The following ZSCAN31 variants were observed in gnomAD, a reference collection of about 807,000 sequenced individuals.
The protein encoded by ZSCAN31 is zinc finger and SCAN domain containing 31.
In ZSCAN31, 14 loss-of-function variants were observed where a neutral mutation model predicts 22.5. The observed-to-expected ratio is 0.62, with a 90% CI of 0.41 to 0.97. The LOEUF is 0.97. Among genes scored for constraint, ZSCAN31 ranks in the 50% least tolerant of loss-of-function variants. The pLI is 0.00. For synonymous variants in ZSCAN31, 168 were observed against 169.8 expected, an observed-to-expected ratio of 0.99 and a Z score of 0.08; for missense variants, 424 against 483.4, an observed-to-expected ratio of 0.88 and a Z score of 1.15.
intron 1 of ZSCAN31, chr6:28,332,147 G>A (rs1269342479): frequency 2.6e-5 from 4 of 152,072 alleles, no homozygotes; most frequent in Non-Finnish European, 5.9e-5. Context: ...AACCACCCCT[G>A]TTCCCAGGAT....
chr6:28,333,638 A>T lies in ZSCAN31; in HGVS notation c.-96+2444T>A, dbSNP rs1192812555. Among the ~76,000 whole-genome samples the T allele has an allele frequency of 6.6e-6, 1 of 152,132 alleles. No individual in the cohort carries two copies. Among genetic ancestry groups the T allele is most frequent in the Non-Finnish European group, 1.5e-5 (1 of 68,018 alleles). On this transcript the variant is annotated intron_variant, in intron 1 of 3. Coordinates refer to ENST00000344279, the MANE Select transcript of ZSCAN31 (RefSeq NM_030899.5). The surrounding 1 kb of genome is among the most constrained non-coding windows in gnomAD (Gnocchi z 4.1). ...AAGAAGTGAGCCATACAGAATAGGGATGAGGGAGGGGAAGAGCACTCTGGA... is the reference window on the plus strand; with the variant it reads ...AAGAAGTGAGCCATACAGAATAGGGTTGAGGGAGGGGAAGAGCACTCTGGA...
upstream of ZSCAN31, chr6:28,356,184 C>CA (rs1765410023): frequency 6.6e-6 from 1 of 152,254 alleles, no homozygotes; most frequent in Non-Finnish European, 1.5e-5. Context: ...AGTTCCCAAT[C>CA]AAACAGGAAA....
intron 2 of ZSCAN31, 146 bp from the exon 3 acceptor site, chr6:28,327,679 A>G: frequency 1.1e-6 from 1 of 907,234 alleles, no homozygotes; most frequent in Non-Finnish European, 1.7e-6. Context: ...TCATTACCCA[A>G]AAGCAAAACA....
Position 28,345,156 on chromosome 6 carries a change from A to AAAAAG in ZSCAN31, c.-370-3369_-370-3365dup, listed in dbSNP as rs1327752859. 7.7e-3 allele frequency among the ~76,000 whole-genome samples: 1,135 copies of AAAAAG among 147,468 alleles called. 13 individuals are homozygous for AAAAAG. Among genetic ancestry groups the AAAAAG allele is most frequent in the East Asian group, 0.062 (308 of 4,996 alleles). ...TGAAACTGTGTCTCAAAAAAAAAAA[A>AAAAAG]AAAAGAAAAAGAAAAAGAAAAGAAA... is the stretch of plus-strand genomic sequence containing the variant. On this transcript the variant is annotated intron_variant, in intron 2 of 7. Coordinates refer to the ZSCAN31 transcript ENST00000396838.
chr6:28,328,865 A>G (rs921060887), intron 2 of ZSCAN31, among the ~76,000 whole-genome samples: 126 of 152,230 alleles, frequency 8.3e-4, no homozygotes, highest in African/African-American at 2.8e-3. Context: ...TTCACAATCT[A>G]CATTCTTCTG....
intron 3 of ZSCAN31, 22 bp downstream of exon 3, chr6:28,327,361 A>C: frequency 6.2e-7 from 1 of 1,613,682 alleles, no homozygotes; most frequent in Non-Finnish European, 8.5e-7. Flanking sequence ...GATCTCCTGA[A>C]GGGACCTGTC....
chr6:28,327,772 T>C (rs915164385), intron 2 of ZSCAN31, among the ~76,000 whole-genome samples: 2 of 152,072 alleles, frequency 1.3e-5, no homozygotes, highest in African/African-American at 4.8e-5. Flanking sequence ...ACCCCCTGAA[T>C]GTGGGCTGTA....
Position 28,329,659 on chromosome 6 carries a change from C to A in ZSCAN31, c.25G>T (p.Asp9Tyr). Residue 9 changes from aspartate (D) to tyrosine (Y), a missense_variant, in exon 2 of 4, where the codon GAT (aspartate) becomes TAT (tyrosine). Asp to Tyr is a radical substitution (Grantham distance 160, BLOSUM62 -3). Transcript: ENST00000344279. MASTEEQY[D>Y]LKIVKVEEDP... ...TCCTCCACTTTCACAATCTTAAGAT[C>A]GTACTGTTCCTCTGTTGAAGCCATT... 1.2e-6 allele frequency: 2 copies of A among 1,613,410 alleles called. No individual in the cohort carries two copies. Among genetic ancestry groups the A allele is most frequent in the East Asian group, 2.2e-5 (1 of 44,874 alleles).
intron 3 of ZSCAN31, 152 bp downstream of exon 3, chr6:28,327,231 G>A: frequency 1.2e-6 from 1 of 835,930 alleles, no homozygotes; most frequent in Non-Finnish European, 1.9e-6. Flanking sequence ...GAAGGCACAG[G>A]GAGGTTACCT....
At chr6:28,336,600 A>G (rs149225191), upstream of ZSCAN31, among the ~76,000 whole-genome samples, 2 of 152,110 alleles carry the variant, frequency 1.3e-5, no homozygotes, top group Non-Finnish European at 1.5e-5. Context: ...ACACTTTCCA[A>G]CTGGGGACAG....
upstream of ZSCAN31, chr6:28,355,241 A>G (rs1204129972): frequency 6.6e-6 from 1 of 152,130 alleles, no homozygotes; most frequent in Non-Finnish European, 1.5e-5. Flanking sequence ...TGCTGTTCCA[A>G]GTAGGCTTAA....
intron 1 of ZSCAN31, chr6:28,332,323 T>C (rs934041467): frequency 6.6e-6 from 1 of 152,254 alleles, no homozygotes; most frequent in Non-Finnish European, 1.5e-5. Context: ...TTTGTTTACC[T>C]GATTTATTCG....
intron 2 of ZSCAN31, 27 bp downstream of exon 2, chr6:28,329,276 T>A: frequency 6.5e-7 from 1 of 1,542,160 alleles, no homozygotes; most frequent in Non-Finnish European, 8.7e-7. Context: ...GTATTTAATG[T>A]CTAGAAGTCC....
At position 28,329,662 on chromosome 6, in the gene ZSCAN31, A is replaced by G; in HGVS notation, c.22T>C (p.Tyr8His). The G allele has an allele frequency of 6.2e-7, 1 of 1,613,450 alleles. No homozygotes were observed. Among genetic ancestry groups the G allele is most frequent in the Non-Finnish European group, 8.5e-7 (1 of 1,179,680 alleles). The change falls in exon 2 of 4, where the codon TAC (tyrosine) becomes CAC (histidine). Residue 8 changes from tyrosine (Y) to histidine (H), a missense_variant. Coordinates refer to ENST00000344279, the MANE Select transcript of ZSCAN31 (RefSeq NM_030899.5). MASTEEQ[Y>H]DLKIVKVEED... Reference sequence around the variant, plus strand: ...TCCACTTTCACAATCTTAAGATCGTACTGTTCCTCTGTTGAAGCCATTCCT... The same window carrying G: ...TCCACTTTCACAATCTTAAGATCGTGCTGTTCCTCTGTTGAAGCCATTCCT...
rs1199029913 is a variant in ZSCAN31, at chr6:28,326,103, T to A, written c.*63A>T. On this transcript the variant is annotated 3_prime_UTR_variant, in exon 4 of 4. Transcript: ENST00000344279. ...TTAGTCCAGTTCTGCTGGAACAGTA[T>A]GGATTCTAAAATGCCTAATAAGGTT... The A allele has an allele frequency of 9.7e-6, 14 of 1,445,658 alleles. No individual in the cohort carries two copies. The highest frequency in any genetic ancestry group is 7.8e-5 in the Admixed American group (4 of 51,528). The allele number at this position is 1,445,658 out of a possible 1,614,324, so 89.6% of individuals were successfully genotyped here.
At chr6:28,352,988 G>A (rs1192396185) in intron 2 of ZSCAN31, among the ~76,000 whole-genome samples, 4 of 141,536 alleles carry the variant, frequency 2.8e-5, no homozygotes, top group Non-Finnish European at 6.0e-5. Context: ...TTTTGAGGCA[G>A]AGTCTTGCTC....
intron 2 of ZSCAN31, among the ~76,000 whole-genome samples, chr6:28,345,834 T>C (rs1764620166): frequency 6.6e-6 from 1 of 152,196 alleles, no homozygotes; most frequent in Non-Finnish European, 1.5e-5. Context: ...AAAGCATAGC[T>C]AAAGTGCCAA....
intron 1 of ZSCAN31, among the ~76,000 whole-genome samples, chr6:28,332,095 G>A (rs1763795021): frequency 6.6e-6 from 1 of 152,124 alleles, no homozygotes; most frequent in Non-Finnish European, 1.5e-5. Flanking sequence ...GACAGGGAAA[G>A]GAACACAGAA....
upstream of ZSCAN31, among the ~76,000 whole-genome samples, chr6:28,340,776 A>G (rs139875540): frequency 0.013 from 2,055 of 152,340 alleles, 50 homozygotes; most frequent in African/African-American, 0.044. Context: ...TTAACTAAAA[A>G]GCAAGGCTTT....
Sources: gnomAD v4.1 joint callset for allele counts (sites outside exome capture counted in the v4.1 genomes callset) on GRCh38, gnomAD v4.1.1 for gene constraint, Gnocchi (gnomAD v3.1) non-coding constraint, MANE v1.5 for transcripts, NCBI Gene and HGNC (gene_info 2026-07-23, HGNC 2026-07-21) for gene names.